The following SIGLEC1 variants were observed in gnomAD, a reference collection of about 807,000 sequenced individuals.
SIGLEC1 encodes the protein sialoadhesin.
SIGLEC1 carries 132 observed loss-of-function variants against 148.0 expected under a neutral mutation model. That is an observed-to-expected ratio of 0.89 (90% CI 0.77 to 1.03). The LOEUF (loss-of-function observed/expected upper bound fraction) is 1.03, where lower values mean the gene tolerates loss of function less well. Among genes scored for constraint, SIGLEC1 ranks in the 50% least tolerant of loss-of-function variants. SIGLEC1 has a pLI of 0.00. For synonymous variants in SIGLEC1, 945 were observed against 969.0 expected (o/e 0.98, Z 0.46); for missense variants, 2,253 against 2,271.4 (o/e 0.99, Z 0.16).
In SIGLEC1 at chr20:3,701,558, C is replaced by T; in HGVS notation, c.1312G>A (p.Glu438Lys). 3 of 1,612,690 alleles carry T rather than the reference C, an allele frequency of 1.9e-6. No homozygotes were observed. The highest frequency in any genetic ancestry group is 2.5e-6 in the Non-Finnish European group (3 of 1,179,138). The part of the protein sequence containing the change: ...VGILHCSVVS[E>K]PLATLVLSHG... ...GACAGCACCAGTGTGGCCAGGGGCTCACTGACCACAGAGCAGTGAAGGATG... is the reference window on the plus strand; with the variant it reads ...GACAGCACCAGTGTGGCCAGGGGCTTACTGACCACAGAGCAGTGAAGGATG... The change falls in exon 7 of 22, where the codon GAG becomes AAG. Residue 438 changes from glutamate to lysine, a missense_variant. Glu to Lys is a moderately conservative substitution (Grantham distance 56, BLOSUM62 1). Coordinates refer to ENST00000344754, the MANE Select transcript of SIGLEC1 (RefSeq NM_023068.4).
intron 11 of SIGLEC1, 102 bp downstream of exon 11, chr20:3,696,484 G>T: frequency 8.3e-7 from 1 of 1,206,196 alleles, no homozygotes; most frequent in Non-Finnish European, 1.1e-6. Flanking sequence ...GACTGAAAAA[G>T]ACATATTTCT....
rs781273172 is a variant in SIGLEC1, at chr20:3,698,035, C to T, written c.1885G>A (p.Asp629Asn). The T allele has an allele frequency of 1.6e-5, 26 of 1,609,282 alleles. No homozygotes were observed. Among genetic ancestry groups the T allele is most frequent in the Middle Eastern group, 1.7e-4 (1 of 5,810 alleles). The part of the protein sequence containing the change: ...RGLLLCRVDS[D>N]PPARLQLLHK... The stretch of plus-strand genomic sequence containing the variant: ...AGCAGCTGCAGCCTGGCGGGGGGGT[C>T]GCTGTCCACACGGCACAAAAGGAGG... The change falls in exon 9 of 22, where the codon GAC (aspartate) becomes AAC (asparagine). Residue 629 changes from aspartate to asparagine, a missense_variant. Physicochemically the swap from Asp to Asn is conservative, Grantham distance 23. Coordinates refer to ENST00000344754, the MANE Select transcript of SIGLEC1 (RefSeq NM_023068.4).
rs568188532 is a variant in SIGLEC1 at position 3,710,077 on chromosome 20, C to A, written c.-110+2393G>T. Among the ~76,000 whole-genome samples, 1 of 152,332 alleles carries A rather than the reference C, an allele frequency of 6.6e-6. No homozygotes were observed. Among genetic ancestry groups the A allele is most frequent in the African/African-American group, 2.4e-5 (1 of 41,560 alleles). ...TTATGTATATTTCACCACATACACA[C>A]CCATGTTGCCAACTTTGCAATCCTC... On this transcript the variant is annotated intron_variant, in intron 1 of 21. Coordinates refer to ENST00000344754, the MANE Select transcript of SIGLEC1 (RefSeq NM_023068.4). The surrounding 1 kb of genome is among the most constrained non-coding windows in gnomAD (Gnocchi z 4.6).
chr20:3,701,334 C>T lies in SIGLEC1; in HGVS notation c.1528+8G>A, dbSNP rs1267492770. 6.3e-7 allele frequency: 1 copy of T among 1,599,330 alleles called. No homozygotes were observed. Among genetic ancestry groups the T allele is most frequent in the South Asian group, 1.1e-5 (1 of 88,288 alleles). On this transcript the variant is annotated splice_region_variant and intron_variant, in intron 7 of 21. Transcript: ENST00000344754. ...TCCACTCTCCCTGGCTGCCAGTGCC[C>T]ATCTTACCATTGGCATGGAAGTCCA...
chr20:3,712,367 C>CT (rs1409250286), intron 1 of SIGLEC1, among the ~76,000 whole-genome samples, 103 bp downstream of exon 1: 2 of 150,800 alleles, frequency 1.3e-5, no homozygotes, highest in African/African-American at 2.4e-5. Flanking sequence ...CAGATGGAGC[C>CT]CCCCCCCGAC....
Position 3,694,759 on chromosome 20 carries a change from T to C in SIGLEC1, c.2848A>G (p.Ile950Val). The C allele has an allele frequency of 1.9e-6, 3 of 1,613,784 alleles. No homozygotes were observed. Among genetic ancestry groups the C allele is most frequent in the Non-Finnish European group, 2.5e-6 (3 of 1,180,020 alleles). ...TAGGCCCCAGCTTGTGTCAAAGTTA[T>C]GGCTGCAAAGCGGAGCGTGGCCGAG... is the stretch of plus-strand genomic sequence containing the variant. ...STSATLRFAA[I>V]TLTQAGAYHC... Residue 950 changes from isoleucine to valine, a missense_variant, in exon 12 of 22, where the codon ATA becomes GTA. By Grantham distance (29) the Ile-to-Val change is conservative. Coordinates refer to ENST00000344754, the MANE Select transcript of SIGLEC1 (RefSeq NM_023068.4).
At position 3,693,701 on chromosome 20, in the gene SIGLEC1, G is replaced by C; in HGVS notation, c.3257-3C>G. 1.3e-6 allele frequency: 2 copies of C among 1,571,550 alleles called. No individual in the cohort carries two copies. The highest frequency in any genetic ancestry group is 1.7e-6 in the Non-Finnish European group (2 of 1,155,700). On this transcript the variant is annotated splice_region_variant and splice_polypyrimidine_tract_variant and intron_variant, in intron 13 of 21. Coordinates refer to ENST00000344754, the MANE Select transcript of SIGLEC1 (RefSeq NM_023068.4). The stretch of plus-strand genomic sequence containing the variant: ...GGGCCACACCTGCACATTCACAGCT[G>C]GGGAGAGGGAGGGCACAGGACACCA...
chr20:3,696,141 A>ACACACACAC (rs371507046), intron 11 of SIGLEC1, among the ~76,000 whole-genome samples: 3,657 of 144,964 alleles, frequency 0.025, 65 homozygotes, highest in East Asian at 0.073. Flanking sequence ...CACACACACA[A>ACACACACAC]ACACACACAC....
intron 11 of SIGLEC1, 89 bp from the exon 12 acceptor site, chr20:3,695,012 AC>A: frequency 1.5e-6 from 2 of 1,367,746 alleles, no homozygotes; most frequent in Non-Finnish European, 2.0e-6. Context: ...GGACTACACA[AC>A]CCAACCCCAT....
Position 3,694,459 on chromosome 20 carries a change from A to G in SIGLEC1, c.3018T>C (p.Arg1006=). ...GCTGGGCCGGAGGGTCACTGTCCAC[A>G]CGGCACAGGAGGAGGCCCAGTCGTC... is the stretch of plus-strand genomic sequence containing the variant. ...GPGRLGLLLC[R]VDSDPPAQLR... Residue 1006 remains arginine (R), a synonymous_variant, in exon 13 of 22, where the codon CGT becomes CGC. Transcript: ENST00000344754. 6.2e-7 allele frequency: 1 copy of G among 1,607,030 alleles called. No individual in the cohort carries two copies. Among genetic ancestry groups the G allele is most frequent in the East Asian group, 2.2e-5 (1 of 44,598 alleles).
At position 3,687,316 on chromosome 20, in the gene SIGLEC1, C is replaced by G. The variant is rs903271475; in HGVS notation, c.*1244G>C. On this transcript the variant is annotated 3_prime_UTR_variant, in exon 22 of 22. Transcript: ENST00000344754. ...CTTCTTGGTAACTCATTCTCTTTAACAGCCCGACACAGGGTCTCCAGGAAA... is the reference window on the plus strand; with the variant it reads ...CTTCTTGGTAACTCATTCTCTTTAAGAGCCCGACACAGGGTCTCCAGGAAA... The G allele has an allele frequency of 2.0e-5, 3 of 152,294 alleles. No homozygotes were observed. Among genetic ancestry groups the G allele is most frequent in the African/African-American group, 7.2e-5 (3 of 41,470 alleles). 9.4% of individuals were successfully genotyped at this position (152,294 alleles called of 1,614,324 possible).
At position 3,692,564 on chromosome 20, in the gene SIGLEC1, G is replaced by A. The variant is rs1200622044; in HGVS notation, c.3987C>T (p.Ala1329=). 2 of 1,609,110 alleles carry A rather than the reference G, an allele frequency of 1.2e-6. No homozygotes were observed. The highest frequency in any genetic ancestry group is 2.2e-5 in the East Asian group (1 of 44,838). ...CAGGACGGGAGCTGCGGGTGCCCTG[G>A]GCATCCTGGGCCTGGCAAGAGTAGG... ...AGAYSCQAQD[A]QGTRSSRPAA... Residue 1329 remains alanine (A), a synonymous_variant, in exon 16 of 22, where the codon GCC becomes GCT. Coordinates refer to ENST00000344754, the MANE Select transcript of SIGLEC1 (RefSeq NM_023068.4).
rs1380514771 is a variant in SIGLEC1 at position 3,691,552 on chromosome 20, G to A, written c.4379C>T (p.Ala1460Val). 1 of 1,613,144 alleles carries A rather than the reference G, an allele frequency of 6.2e-7. No homozygotes were observed. Among genetic ancestry groups the A allele is most frequent in the Non-Finnish European group, 8.5e-7 (1 of 1,179,992 alleles). ...CAGGAGGCGGCAGCTGAGGTTCAGG[G>A]CAGCGCCCTCAGGCACGTCCAGGCC... Reference protein sequence around the residue: ...EPGLDVPEGAALNLSCRLLGG... With the variant: ...EPGLDVPEGAVLNLSCRLLGG... Residue 1460 changes from alanine (A) to valine (V), a missense_variant, in exon 18 of 22, where the codon GCC (alanine) becomes GTC (valine). By Grantham distance (64) the Ala-to-Val change is moderately conservative (BLOSUM62 0). Transcript: ENST00000344754.
chr20:3,697,550 A>G (rs1159349003), intron 9 of SIGLEC1, among the ~76,000 whole-genome samples: 1 of 152,162 alleles, frequency 6.6e-6, no homozygotes, highest in Non-Finnish European at 1.5e-5. Flanking sequence ...AGTACAGGGA[A>G]GGAGGACAAG....
At position 3,693,063 on chromosome 20, in the gene SIGLEC1, A is replaced by C; in HGVS notation, c.3577T>G (p.Cys1193Gly). Residue 1193 changes from cysteine (C) to glycine (G), a missense_variant, in exon 15 of 22, where the codon TGC becomes GGC. Coordinates refer to ENST00000344754, the MANE Select transcript of SIGLEC1 (RefSeq NM_023068.4). Reference protein sequence around the residue: ...SHGGQLALVLCTVDSRPPAQL... With the variant: ...SHGGQLALVLGTVDSRPPAQL... ...GCGGGCGGGCGGCTGTCCACAGTGC[A>C]CAGTACCAGGGCCAGCTGCCCGCCA... The C allele has an allele frequency of 6.2e-7, 1 of 1,608,204 alleles. No individual in the cohort carries two copies. The highest frequency in any genetic ancestry group is 8.5e-7 in the Non-Finnish European group (1 of 1,179,136).
chr20:3,712,088 G>A (rs747226206), intron 1 of SIGLEC1, among the ~76,000 whole-genome samples: 6 of 151,902 alleles, frequency 3.9e-5, no homozygotes, highest in East Asian at 1.9e-4. Context: ...TGATAGAGTC[G>A]GAGTTGTGGT....
chr20:3,695,785 C>A (rs2088815017), intron 11 of SIGLEC1, among the ~76,000 whole-genome samples: 1 of 151,110 alleles, frequency 6.6e-6, no homozygotes, highest in Non-Finnish European at 1.5e-5. Context: ...TGGGCATTAT[C>A]TTTCCTTTTT....
intron 17 of SIGLEC1, 87 bp downstream of exon 17, chr20:3,691,816 G>T: frequency 6.9e-7 from 1 of 1,457,706 alleles, no homozygotes; most frequent in Non-Finnish European, 9.3e-7. Flanking sequence ...AGACCAGACA[G>T]CCCGCTCTAG....
At chr20:3,705,300 C>G (rs1274986982) in intron 4 of SIGLEC1, among the ~76,000 whole-genome samples, 2 of 152,146 alleles carry the variant, frequency 1.3e-5, no homozygotes, top group African/African-American at 4.8e-5. Context: ...CCCGGCCCAT[C>G]TCCTTTAATT....
Sources: allele counts gnomAD v4.1 joint callset (sites outside exome capture counted in the v4.1 genomes callset), GRCh38; gene constraint gnomAD v4.1.1; non-coding constraint Gnocchi (gnomAD v3.1); transcripts MANE v1.5; gene names NCBI Gene and HGNC (gene_info 2026-07-23, HGNC 2026-07-21).